PHYH: variants seen among roughly 807,000 people sequenced by gnomAD.
PHYH encodes phytanoyl-CoA 2-hydroxylase, also known as phytanoyl-CoA dioxygenase, peroxisomal.
A neutral mutation model predicts 38.5 loss-of-function variants in PHYH; 32 were observed. That is an observed-to-expected ratio of 0.83 (90% CI 0.63 to 1.12). The LOEUF is 1.12. Ranked by LOEUF, PHYH falls within the 50% of genes most tolerant of loss-of-function variation. The pLI is 0.00. For missense variants in PHYH, 426 were observed against 434.8 expected, an observed-to-expected ratio of 0.98 and a Z score of 0.18; for synonymous variants, 166 against 157.9, an observed-to-expected ratio of 1.05 and a Z score of -0.38.
Position 13,288,294 on chromosome 10 carries a change from G to A in PHYH, c.678+66C>T, listed in dbSNP as rs568538377. The A allele has an allele frequency of 1.4e-5, 19 of 1,345,290 alleles. No homozygotes were observed. The Admixed American group carries it at 1.7e-4, about 12-fold the overall frequency. The allele number at this position is 1,345,290 out of a possible 1,614,324, so 83.3% of individuals were successfully genotyped here. On this transcript the variant is annotated intron_variant, in intron 6 of 8. Transcript: ENST00000263038. ...CATCTCATTTGTAAACTCTTTAGAG[G>A]TACTGATGTGAAACAGAAACTGCGA...
At chr10:13,285,750 G>A (rs984669513) in intron 6 of PHYH, among the ~76,000 whole-genome samples, 7 of 148,730 alleles carry the variant, frequency 4.7e-5, no homozygotes, top group African/African-American at 7.5e-5. Context: ...GACTACAGGC[G>A]CACGCCACCA....
rs775247598 is a variant in PHYH at position 13,288,366 on chromosome 10, C to T, written c.672G>A (p.Lys224=). The change falls in exon 6 of 9, where the codon AAG becomes AAA. Residue 224 remains lysine, a synonymous_variant. Coordinates refer to ENST00000263038, the MANE Select transcript of PHYH (RefSeq NM_006214.4). The part of the protein sequence containing the change: ...KGSLKPHDYP[K]WEGGVNKMFH... ...AGCCGCCGGGCAGACCTACCTCCCA[C>T]TTGGGGTAATCGTGGGGCTTCAGGG... The T allele has an allele frequency of 6.2e-7, 1 of 1,613,788 alleles. No homozygotes were observed. Among genetic ancestry groups the T allele is most frequent in the South Asian group, 1.1e-5 (1 of 91,058 alleles).
intron 2 of PHYH, among the ~76,000 whole-genome samples, chr10:13,295,918 A>C (rs1428976021): frequency 6.6e-6 from 1 of 152,168 alleles, no homozygotes; most frequent in Admixed American, 6.6e-5. Context: ...CTATAATCCC[A>C]GCACTTTGGG....
At chr10:13,289,160 C>T (rs185578242) in intron 5 of PHYH, among the ~76,000 whole-genome samples, 5 of 152,196 alleles carry the variant, frequency 3.3e-5, no homozygotes, top group East Asian at 1.9e-4. Context: ...TTCCAGCAAG[C>T]GGTATAACAT....
intron 7 of PHYH, among the ~76,000 whole-genome samples, chr10:13,282,636 A>T (rs1449870312): frequency 6.6e-6 from 1 of 150,424 alleles, no homozygotes; most frequent in Non-Finnish European, 1.5e-5. Context: ...AAGTCTATAT[A>T]TTAAAACCCA....
intron 4 of PHYH, among the ~76,000 whole-genome samples, chr10:13,293,810 GT>G (rs1221725022): frequency 3.9e-5 from 6 of 152,074 alleles, no homozygotes; most frequent in South Asian, 4.2e-4. Context: ...AGACTGTTGA[GT>G]TTTTTTCCAA....
At chr10:13,295,871 G>A (rs917421763) in intron 2 of PHYH, among the ~76,000 whole-genome samples, 16 of 150,416 alleles carry the variant, frequency 1.1e-4, no homozygotes, top group African/African-American at 3.7e-4. Flanking sequence ...CTAAAAATAT[G>A]TATCAAGAAC....
At chr10:13,296,043 CTGTAA>C (rs1483789098) in intron 2 of PHYH, among the ~76,000 whole-genome samples, 3 of 151,808 alleles carry the variant, frequency 2.0e-5, no homozygotes, top group Non-Finnish European at 4.4e-5. Context: ...TAGTGGGCAC[CTGTAA>C]TCCCAGCTAC....
Position 13,299,925 on chromosome 10 carries a change from C to A in PHYH, c.75+43G>T, listed in dbSNP as rs186015759. The A allele has an allele frequency of 3.3e-4, 497 of 1,492,320 alleles. 4 individuals carry two copies. The African/African-American group carries it at 5.0e-3, about 15-fold the overall frequency. 92.4% of individuals were successfully genotyped at this position (1,492,320 alleles called of 1,614,324 possible). A position where few individuals can be genotyped will look rare whatever the true frequency, so the allele number is the denominator to read the frequency against. The stretch of plus-strand genomic sequence containing the variant: ...AGGGCCACCACTCAGGCGGCGGCGC[C>A]GGCGCCGGATCCAGCCCGAGCCCCG... On this transcript the variant is annotated intron_variant, in intron 1 of 8. Coordinates refer to ENST00000263038, the MANE Select transcript of PHYH (RefSeq NM_006214.4).
chr10:13,290,712 T>G (rs1051385533), intron 5 of PHYH, among the ~76,000 whole-genome samples: 2 of 152,124 alleles, frequency 1.3e-5, no homozygotes, highest in Admixed American at 6.6e-5. Context: ...GGAAGGTTAT[T>G]AAAATACAGA....
chr10:13,286,728 T>G (rs534419406), intron 6 of PHYH, among the ~76,000 whole-genome samples: 169 of 149,496 alleles, frequency 1.1e-3, no homozygotes, highest in South Asian at 2.1e-3. Context: ...AACAAAAAAC[T>G]ACTATCATAC....
intron 2 of PHYH, among the ~76,000 whole-genome samples, chr10:13,297,027 TATTACA>T (rs1832576152): frequency 6.6e-6 from 1 of 151,600 alleles, no homozygotes; most frequent in South Asian, 2.1e-4. Context: ...AATAAAATAT[TATTACA>T]ATTATGTAAA....
At chr10:13,279,020 C>A (rs563201049) in intron 8 of PHYH, among the ~76,000 whole-genome samples, 3 of 150,144 alleles carry the variant, frequency 2.0e-5, no homozygotes, top group Non-Finnish European at 3.0e-5. Flanking sequence ...TTTTTTGAGA[C>A]GGAATTTTGC....
rs1460683816 is a variant in PHYH at position 13,294,613 on chromosome 10, G to C, written c.246-17C>G. On this transcript the variant is annotated splice_polypyrimidine_tract_variant and intron_variant, in intron 3 of 8. Coordinates refer to ENST00000263038, the MANE Select transcript of PHYH (RefSeq NM_006214.4). ...AACTCATTCCTAGAAAATTTAATTT[G>C]CAAATGATGTCGTTACCGCTGGCTC... 6.2e-7 allele frequency: 1 copy of C among 1,612,358 alleles called. No individual in the cohort carries two copies. Among genetic ancestry groups the C allele is most frequent in the Admixed American group, 1.7e-5 (1 of 59,976 alleles).
chr10:13,283,663 A>G (rs754437413), intron 7 of PHYH, 27 bp downstream of exon 7: 1 of 1,610,210 alleles, frequency 6.2e-7, no homozygotes, highest in South Asian at 1.1e-5. Flanking sequence ...ACACTTCTGC[A>G]GCAGGTGCAG....
intron 6 of PHYH, among the ~76,000 whole-genome samples, chr10:13,284,926 G>C (rs1835509293): frequency 6.6e-6 from 1 of 152,068 alleles, no homozygotes; most frequent in Non-Finnish European, 1.5e-5. Flanking sequence ...GTGAATGTGT[G>C]ACCCACACTA....
In PHYH at chr10:13,295,561, AAAT is replaced by A; in HGVS notation, c.177_179del (p.Lys59_Phe60delinsAsn). 1 of 1,551,036 alleles carries A rather than the reference AAAT, an allele frequency of 6.4e-7. No homozygotes were observed. Among genetic ancestry groups the A allele is most frequent in the Non-Finnish European group, 8.9e-7 (1 of 1,122,458 alleles). The stretch of plus-strand genomic sequence containing the variant: ...TTACTAGAAACCCATTTTCTTCATA[AAAT>A]TTTCTCTGTTCCAGGGTTAGAACGT... On this transcript the variant is annotated inframe_deletion, in exon 3 of 9. Coordinates refer to ENST00000263038, the MANE Select transcript of PHYH (RefSeq NM_006214.4).
At chr10:13,293,263 C>T (rs938514964) in intron 4 of PHYH, among the ~76,000 whole-genome samples, 1 of 152,096 alleles carries the variant, frequency 6.6e-6, no homozygotes, top group Non-Finnish European at 1.5e-5. Flanking sequence ...CCAATGATTT[C>T]CCTACCCTTA....
At chr10:13,291,807 T>G in intron 5 of PHYH, 24 bp downstream of exon 5, 1 of 1,532,730 alleles carries the variant, frequency 6.5e-7, no homozygotes, top group Non-Finnish European at 9.0e-7. Context: ...GAAACCATTT[T>G]TTTTTCTTCT....
Sources: gnomAD v4.1 joint callset for allele counts (sites outside exome capture counted in the v4.1 genomes callset) on GRCh38, gnomAD v4.1.1 for gene constraint, MANE v1.5 for transcripts, NCBI Gene and HGNC (gene_info 2026-07-23, HGNC 2026-07-21) for gene names.